Variants in MAPK10 observed in about 807,000 individuals in gnomAD.
MAPK10 encodes the protein JNK3 alpha protein kinase.
Under a neutral mutation model 59.3 loss-of-function variants are expected in MAPK10, and 25 were observed. The ratio of observed to expected loss-of-function variants is 0.42; its 90% CI spans 0.31 to 0.59. The LOEUF (loss-of-function observed/expected upper bound fraction) is 0.59, where lower values mean the gene tolerates loss of function less well. Ranked by LOEUF, MAPK10 falls within the 20% of genes least tolerant of loss-of-function variation. MAPK10 has a pLI of 0.15. For missense variants in MAPK10, 351 were observed against 568.9 expected, an observed-to-expected ratio of 0.62 and a Z score of 3.90; for synonymous variants, 190 against 200.5, an observed-to-expected ratio of 0.95 and a Z score of 0.44.
At chr4:86,142,966 C>T (rs1469066844) in intron 4 of MAPK10, among the ~76,000 whole-genome samples, 1 of 152,156 alleles carries the variant, frequency 6.6e-6, no homozygotes. Context: ...CTGTATTAGT[C>T]CATTCTCATG....
intron 9 of MAPK10, among the ~76,000 whole-genome samples, chr4:86,069,601 T>C (rs1189786405): frequency 6.6e-6 from 1 of 152,104 alleles, no homozygotes; most frequent in Admixed American, 6.6e-5. Context: ...CATACTTAAA[T>C]AGAATACATT....
At chr4:86,061,408 T>A (rs1269939935) in intron 11 of MAPK10, among the ~76,000 whole-genome samples, 1 of 152,206 alleles carries the variant, frequency 6.6e-6, no homozygotes, top group Non-Finnish European at 1.5e-5. Context: ...AAGTTGCTAA[T>A]AATTTGAGCA....
At chr4:86,172,573 G>T (rs1270438191) in intron 3 of MAPK10, among the ~76,000 whole-genome samples, 5 of 150,478 alleles carry the variant, frequency 3.3e-5, no homozygotes, top group Admixed American at 1.3e-4. Context: ...GCGGACTGTT[G>T]TGGGGTGGGG....
At chr4:86,183,987 G>T (rs966657718) in intron 3 of MAPK10, among the ~76,000 whole-genome samples, 18 of 152,060 alleles carry the variant, frequency 1.2e-4, no homozygotes, top group Non-Finnish European at 2.6e-4. Flanking sequence ...TGATGGGGTT[G>T]TTTGTATTTT....
intron 1 of MAPK10, among the ~76,000 whole-genome samples, chr4:86,565,307 A>G (rs1760982215): frequency 6.6e-6 from 1 of 152,222 alleles, no homozygotes; most frequent in Admixed American, 6.5e-5. Context: ...TGTAAAAATG[A>G]ACTAAAAGTT....
chr4:86,473,214 T>C (rs1286699644), intron 1 of MAPK10, among the ~76,000 whole-genome samples: 1 of 152,210 alleles, frequency 6.6e-6, no homozygotes, highest in East Asian at 1.9e-4. Context: ...TGCTTAGAAA[T>C]TGTGGTCTTA....
At chr4:86,314,295 C>A (rs923391116) in intron 2 of MAPK10, among the ~76,000 whole-genome samples, 1 of 152,108 alleles carries the variant, frequency 6.6e-6, no homozygotes, top group Non-Finnish European at 1.5e-5. Flanking sequence ...CCACCCAAAT[C>A]TCATCTTGAA....
intron 11 of MAPK10, among the ~76,000 whole-genome samples, chr4:86,047,969 T>C (rs1438792153): frequency 1.3e-5 from 2 of 152,120 alleles, no homozygotes; most frequent in Admixed American, 1.3e-4. Context: ...GATGTTTGCA[T>C]AGATGAAAGG....
chr4:86,443,236 GA>G (rs760385391), intron 1 of MAPK10, among the ~76,000 whole-genome samples: 2,251 of 143,370 alleles, frequency 0.016, 48 homozygotes, highest in African/African-American at 0.049. Context: ...AGTGAAAATG[GA>G]AAAAAAAAAA....
upstream of MAPK10, among the ~76,000 whole-genome samples, chr4:86,454,468 A>G (rs1364383493): frequency 6.6e-6 from 1 of 152,148 alleles, no homozygotes; most frequent in Non-Finnish European, 1.5e-5. Flanking sequence ...GAAATGCAAA[A>G]TGCTCTGGAA....
At chr4:86,036,984 C>T in intron 11 of MAPK10, among the ~76,000 whole-genome samples, 1 of 152,190 alleles carries the variant, frequency 6.6e-6, no homozygotes, top group Non-Finnish European at 1.5e-5. Flanking sequence ...ACAATTGCAG[C>T]TGTACCTTTT....
intron 2 of MAPK10, among the ~76,000 whole-genome samples, chr4:86,296,732 G>C (rs1477219626): frequency 1.3e-5 from 2 of 152,120 alleles, no homozygotes; most frequent in Non-Finnish European, 2.9e-5. Context: ...ATTCTCCTTA[G>C]AGTTAGAATT....
rs1406664523 is a variant in MAPK10, at chr4:86,380,764, G to A, written c.-121-26120C>T. Among the ~76,000 whole-genome samples the A allele has an allele frequency of 5.1e-4, 77 of 151,708 alleles. 1 individual carries two copies. Among genetic ancestry groups the A allele is most frequent in the Admixed American group, 5.0e-3 (76 of 15,224 alleles). On this transcript the variant is annotated intron_variant, in intron 1 of 13. Transcript: ENST00000361569. ...ATGAACACAATGTGGCTATTTGGAT[G>A]AGCCAGACATTTTCAATCCTGACTT...
intron 2 of MAPK10, among the ~76,000 whole-genome samples, chr4:86,318,611 C>T (rs769378): frequency 0.077 from 11,761 of 152,112 alleles, 600 homozygotes; most frequent in Non-Finnish European, 0.11. Context: ...GACAGAAAGG[C>T]CTTGTCCCCC....
intron 2 of MAPK10, among the ~76,000 whole-genome samples, chr4:86,200,454 A>C (rs1467626747): frequency 1.3e-5 from 2 of 151,946 alleles, no homozygotes; most frequent in African/African-American, 4.8e-5. Flanking sequence ...TGCTCAGCAA[A>C]ATGTCTTTAG....
intron 1 of MAPK10, among the ~76,000 whole-genome samples, chr4:86,355,863 C>A (rs1734193693): frequency 6.6e-6 from 1 of 152,166 alleles, no homozygotes. Context: ...CTTTCAGATC[C>A]TATTTCCAAT....
chr4:86,093,584 T>C (rs953890753), intron 9 of MAPK10, among the ~76,000 whole-genome samples: 1 of 151,898 alleles, frequency 6.6e-6, no homozygotes, highest in Non-Finnish European at 1.5e-5. Flanking sequence ...ACCACTGATA[T>C]ACATAAATAA....
intron 9 of MAPK10, among the ~76,000 whole-genome samples, chr4:86,092,828 T>A (rs2053507977): frequency 6.6e-6 from 1 of 152,070 alleles, no homozygotes; most frequent in Non-Finnish European, 1.5e-5. Context: ...GCTGCCAAGG[T>A]AGAATTCTGT....
At chr4:86,412,571 C>T (rs569371767) in intron 1 of MAPK10, among the ~76,000 whole-genome samples, 2 of 152,198 alleles carry the variant, frequency 1.3e-5, no homozygotes, top group East Asian at 3.9e-4. Flanking sequence ...TCACATAGTC[C>T]CATATTTCTT....
Sources: gnomAD v4.1 joint callset for allele counts (sites outside exome capture counted in the v4.1 genomes callset) on GRCh38, gnomAD v4.1.1 for gene constraint, MANE v1.5 for transcripts, NCBI Gene and HGNC (gene_info 2026-07-23, HGNC 2026-07-21) for gene names.